Variants in LHFPL3 observed in about 807,000 individuals in gnomAD.
LHFPL3 encodes LHFPL tetraspan subfamily member 3, also known as LHFPL tetraspan subfamily member 3 protein.
In LHFPL3, 5 loss-of-function variants were observed where a neutral mutation model predicts 19.3. That is an observed-to-expected ratio of 0.26 (90% confidence interval 0.14 to 0.54). The LOEUF is 0.54. Ranked by LOEUF, LHFPL3 falls within the 20% of genes least tolerant of loss-of-function variation. The pLI is 0.94. For missense variants in LHFPL3, 249 were observed against 307.4 expected, an observed-to-expected ratio of 0.81 and a Z score of 1.42; for synonymous variants, 133 against 126.2, an observed-to-expected ratio of 1.05 and a Z score of -0.36.
At chr7:104,357,889 T>C (rs1241464412) in intron 1 of LHFPL3, among the ~76,000 whole-genome samples, 1 of 152,194 alleles carries the variant, frequency 6.6e-6, no homozygotes, top group Non-Finnish European at 1.5e-5. Context: ...AATACCTATA[T>C]GGCAACAGCT....
intron 2 of LHFPL3, among the ~76,000 whole-genome samples, chr7:104,797,751 C>CAA (rs35550547): frequency 7.9e-4 from 99 of 124,666 alleles, no homozygotes; most frequent in Admixed American, 8.9e-4. Flanking sequence ...CCCATCTCTA[C>CAA]AAAAAAAAAA....
At chr7:104,878,008 G>A (rs1039716102) in intron 2 of LHFPL3, among the ~76,000 whole-genome samples, 1 of 152,040 alleles carries the variant, frequency 6.6e-6, no homozygotes, top group Non-Finnish European at 1.5e-5. Flanking sequence ...TAATTTTTCT[G>A]TATTTTAGTA....
chr7:104,494,681 A>T (rs1793423275), intron 1 of LHFPL3, among the ~76,000 whole-genome samples: 1 of 152,072 alleles, frequency 6.6e-6, no homozygotes, highest in Non-Finnish European at 1.5e-5. Context: ...CTCCCACCAG[A>T]CCTGGTAGGA....
At chr7:104,406,793 C>T (rs546485443) in intron 1 of LHFPL3, among the ~76,000 whole-genome samples, 4 of 152,226 alleles carry the variant, frequency 2.6e-5, no homozygotes, top group Admixed American at 6.5e-5. Flanking sequence ...GCAATGGCCT[C>T]AAACCAGTGG....
intron 2 of LHFPL3, among the ~76,000 whole-genome samples, chr7:104,832,911 A>T (rs1790983456): frequency 7.6e-6 from 1 of 132,080 alleles, no homozygotes; most frequent in African/African-American, 2.9e-5. Context: ...TGGGAGGCAG[A>T]GGTTGGTGTA....
intron 1 of LHFPL3, chr7:104,669,432 C>T: frequency 2.5e-6 from 4 of 1,613,152 alleles, no homozygotes; most frequent in Non-Finnish European, 3.4e-6. Context: ...GGAAAGATGG[C>T]AAAAAGGATC....
chr7:104,473,001 C>T (rs1417981910), intron 1 of LHFPL3, among the ~76,000 whole-genome samples: 1 of 152,004 alleles, frequency 6.6e-6, no homozygotes, highest in African/African-American at 2.4e-5. Flanking sequence ...ATTAATGATA[C>T]TAATAAAAGA....
At chr7:104,385,257 T>C (rs1562881374) in intron 1 of LHFPL3, among the ~76,000 whole-genome samples, 2 of 152,236 alleles carry the variant, frequency 1.3e-5, no homozygotes, top group Admixed American at 6.5e-5. Context: ...CTGCCCATCC[T>C]GTAAACTTCT....
At chr7:104,477,628 G>A (rs1793048399) in intron 1 of LHFPL3, among the ~76,000 whole-genome samples, 2 of 151,870 alleles carry the variant, frequency 1.3e-5, no homozygotes, top group Admixed American at 6.5e-5. Context: ...GAGAGAATCA[G>A]GAAAAAATAA....
intron 1 of LHFPL3, among the ~76,000 whole-genome samples, chr7:104,497,180 AG>A (rs1423592463): frequency 1.3e-5 from 2 of 151,864 alleles, no homozygotes; most frequent in South Asian, 2.1e-4. Context: ...CAAAAAAAAA[AG>A]CATTCTTCCC....
intron 1 of LHFPL3, among the ~76,000 whole-genome samples, chr7:104,674,821 C>G (rs1401820309): frequency 6.6e-6 from 1 of 152,038 alleles, no homozygotes; most frequent in Non-Finnish European, 1.5e-5. Flanking sequence ...ATATTTCCAA[C>G]AAAGAGTAAA....
chr7:104,501,762 T>C (rs1448715242), intron 1 of LHFPL3, among the ~76,000 whole-genome samples: 1 of 152,190 alleles, frequency 6.6e-6, no homozygotes, highest in Non-Finnish European at 1.5e-5. Flanking sequence ...CTAGAAATGA[T>C]AGATTCCAAT....
At chr7:104,413,728 T>A (rs1366501374) in intron 1 of LHFPL3, among the ~76,000 whole-genome samples, 1 of 152,226 alleles carries the variant, frequency 6.6e-6, no homozygotes, top group South Asian at 2.1e-4. Flanking sequence ...CGAACCATCA[T>A]GCATTCTTCT....
intron 1 of LHFPL3, among the ~76,000 whole-genome samples, chr7:104,678,940 A>G (rs947208876): frequency 6.6e-6 from 1 of 152,260 alleles, no homozygotes; most frequent in Non-Finnish European, 1.5e-5. Flanking sequence ...ACTTGTGAGC[A>G]GAAAGTAAAA....
At chr7:104,632,734 C>T (rs1056881621) in intron 1 of LHFPL3, among the ~76,000 whole-genome samples, 2 of 152,230 alleles carry the variant, frequency 1.3e-5, no homozygotes, top group Admixed American at 1.3e-4. Flanking sequence ...GCAGCTTCAA[C>T]TTCCCAAGCT....
At chr7:104,705,028 G>A (rs1793166992) in intron 1 of LHFPL3, among the ~76,000 whole-genome samples, 1 of 152,040 alleles carries the variant, frequency 6.6e-6, no homozygotes, top group Non-Finnish European at 1.5e-5. Flanking sequence ...AATGGGCTGT[G>A]GTTAATCACA....
intron 1 of LHFPL3, among the ~76,000 whole-genome samples, chr7:104,588,757 T>C (rs1790640603): frequency 6.6e-6 from 1 of 152,226 alleles, no homozygotes; most frequent in African/African-American, 2.4e-5. Context: ...GAGTATGGAA[T>C]GTTCTTCCAT....
At chr7:104,849,879 A>G (rs1434092939) in intron 2 of LHFPL3, among the ~76,000 whole-genome samples, 1 of 152,244 alleles carries the variant, frequency 6.6e-6, no homozygotes, top group Admixed American at 6.5e-5. Context: ...CAGTTTTTAT[A>G]CAGATAGAGC....
At chr7:104,737,560 T>C (rs1261866748) in intron 2 of LHFPL3, among the ~76,000 whole-genome samples, 5 of 152,200 alleles carry the variant, frequency 3.3e-5, no homozygotes, top group African/African-American at 1.2e-4. Flanking sequence ...CATTGACTAT[T>C]GAATGATACG....
Sources: allele counts gnomAD v4.1 joint callset (sites outside exome capture counted in the v4.1 genomes callset), GRCh38; gene constraint gnomAD v4.1.1; transcripts MANE v1.5; gene names NCBI Gene and HGNC (gene_info 2026-07-23, HGNC 2026-07-21).